MVK: variants seen among roughly 807,000 people sequenced by gnomAD.
MVK encodes the protein LH receptor mRNA-binding protein.
A neutral mutation model predicts 43.2 loss-of-function variants in MVK; 34 were observed. That is an observed-to-expected ratio of 0.79 (90% confidence interval 0.60 to 1.05). The LOEUF (loss-of-function observed/expected upper bound fraction) is 1.05, where lower values mean the gene tolerates loss of function less well. MVK is among the 50% of genes least tolerant of loss of function. The pLI, the probability that MVK is intolerant of heterozygous loss-of-function variation, is 0.00. For missense variants in MVK, 395 were observed against 504.0 expected (o/e 0.78, Z 2.07); for synonymous variants, 190 against 219.8 (o/e 0.86, Z 1.20).
chr12:109,573,461 C>T (rs1243516923), upstream of MVK: 2 of 1,606,442 alleles, frequency 1.2e-6, no homozygotes, highest in South Asian at 1.1e-5. Flanking sequence ...AAGACGGCTC[C>T]CCAGGCCGCA....
chr12:109,582,997 C>T (rs1306987980), intron 5 of MVK, among the ~76,000 whole-genome samples: 1 of 152,190 alleles, frequency 6.6e-6, no homozygotes, highest in Non-Finnish European at 1.5e-5. Flanking sequence ...CCATCGTACT[C>T]TTACAGAAAC....
Position 109,576,158 on chromosome 12 carries a change from A to T in MVK, c.226+13A>T, listed in dbSNP as rs769539742. The T allele has an allele frequency of 6.2e-7, 1 of 1,614,064 alleles. No individual in the cohort carries two copies. Among genetic ancestry groups the T allele is most frequent in the South Asian group, 1.1e-5 (1 of 91,074 alleles). On this transcript the variant is annotated intron_variant, in intron 3 of 10. Transcript: ENST00000228510. The stretch of plus-strand genomic sequence containing the variant: ...ACAAGCTTTCTGGGTGAGTGCAAGG[A>T]GGAGAAACCAGGTGTGCTAAGAGCC...
intron 5 of MVK, 77 bp from the exon 6 acceptor site, chr12:109,585,945 C>T: frequency 8.2e-7 from 1 of 1,215,714 alleles, no homozygotes; most frequent in Non-Finnish European, 1.2e-6. Context: ...CCTTGGCCTG[C>T]CCAGCACAGC....
rs538650553 is a variant in MVK at position 109,576,509 on chromosome 12, CAG to C, written c.226+369_226+370del. ...AGTTCTCCTGGGAGAGACCTAGGGC[CAG>C]AGAGTAGACAAAGTGACACATGTTT... On this transcript the variant is annotated intron_variant, in intron 3 of 10. Transcript: ENST00000228510. Among the ~76,000 whole-genome samples the C allele has an allele frequency of 3.9e-3, 589 of 151,670 alleles. 6 individuals are homozygous for C. The highest frequency in any genetic ancestry group is 0.013 in the African/African-American group (546 of 41,322).
rs1226113451 is a variant in MVK, at chr12:109,596,672, G to A, written c.*95G>A. 1.3e-5 allele frequency: 20 copies of A among 1,518,264 alleles called. No homozygotes were observed. In the Admixed American group the frequency reaches 2.2e-4, roughly 17 times the overall value. 94.0% of individuals were successfully genotyped at this position (1,518,264 alleles called of 1,614,324 possible). On this transcript the variant is annotated 3_prime_UTR_variant, in exon 11 of 11. Transcript: ENST00000228510. Reference sequence around the variant, plus strand: ...CTCTGTGCTGGCCAGCGAGCGCCCAGCTCCTGACACTGCTGGAGAGGCCCC... The same window carrying A: ...CTCTGTGCTGGCCAGCGAGCGCCCAACTCCTGACACTGCTGGAGAGGCCCC...
chr12:109,592,789 A>T (rs1885740356), intron 9 of MVK, among the ~76,000 whole-genome samples: 1 of 152,196 alleles, frequency 6.6e-6, no homozygotes, highest in African/African-American at 2.4e-5. Context: ...ACTATGTGCC[A>T]GGGCAGCGCC....
At chr12:109,592,484 G>A (rs1465854233) in intron 9 of MVK, among the ~76,000 whole-genome samples, 1 of 152,286 alleles carries the variant, frequency 6.6e-6, no homozygotes, top group Non-Finnish European at 1.5e-5. Context: ...CCCGCGCCCC[G>A]CACTCTGTAG....
At chr12:109,586,849 G>A (rs1277828547) in intron 7 of MVK, 50 bp downstream of exon 7, 15 of 1,607,086 alleles carry the variant, frequency 9.3e-6, no homozygotes, top group Non-Finnish European at 1.2e-5. Context: ...ATTGATGTGT[G>A]CAGGGGGCAG....
chr12:109,596,320 A>AGCCAGGAAGGCAC, intron 10 of MVK, 106 bp from the exon 11 acceptor site: 1 of 1,504,654 alleles, frequency 6.6e-7, no homozygotes, highest in Non-Finnish European at 9.0e-7. Flanking sequence ...GGTGGGTCAC[A>AGCCAGGAAGGCAC]GCCAGGAAGG....
In MVK at chr12:109,596,630, T is replaced by TA; in HGVS notation, c.*53_*54insA. ...CCAGATGCCCCTTTCTGGATTATTC[T>TA]GGGGGCTGCAGTTCGACTCTGTGCT... On this transcript the variant is annotated 3_prime_UTR_variant, in exon 11 of 11. Coordinates refer to ENST00000228510, the MANE Select transcript of MVK (RefSeq NM_000431.4). The TA allele has an allele frequency of 2.5e-6, 4 of 1,581,072 alleles. No individual in the cohort carries two copies. Among genetic ancestry groups the TA allele is most frequent in the Non-Finnish European group, 3.4e-6 (4 of 1,165,836 alleles).
chr12:109,586,895 G>GGACACC, intron 7 of MVK, 96 bp downstream of exon 7: 1 of 1,480,704 alleles, frequency 6.8e-7, no homozygotes, highest in Non-Finnish European at 9.3e-7. Flanking sequence ...TAGGAGGCAG[G>GGACACC]TGTCCCTGGC....
At chr12:109,580,290 A>T (rs544570228) in intron 4 of MVK, among the ~76,000 whole-genome samples, 26 of 152,216 alleles carry the variant, frequency 1.7e-4, no homozygotes, top group Admixed American at 5.9e-4. Context: ...TTTTGTAGAG[A>T]TGGAGTCTCA....
chr12:109,586,683 A>C, intron 6 of MVK, 71 bp from the exon 7 acceptor site: 1 of 1,570,656 alleles, frequency 6.4e-7, no homozygotes, highest in Non-Finnish European at 8.8e-7. Flanking sequence ...CCCAAAGTTC[A>C]ACCTCTCTCC....
chr12:109,577,450 G>A (rs770193783), intron 3 of MVK, among the ~76,000 whole-genome samples: 15 of 152,152 alleles, frequency 9.9e-5, no homozygotes, highest in Admixed American at 3.3e-4. Context: ...CCCATATGCC[G>A]TATGGGGATG....
chr12:109,597,579 G>C lies in MVK; in HGVS notation c.*1002G>C, dbSNP rs1593033926. ...GAACCTGCCATCGCTCCTGGGGCGC[G>C]CCTTCCTTTCTGAAATGAACTGGCT... On this transcript the variant is annotated 3_prime_UTR_variant, in exon 11 of 11. Coordinates refer to ENST00000228510, the MANE Select transcript of MVK (RefSeq NM_000431.4). 1 of 152,356 alleles carries C rather than the reference G, an allele frequency of 6.6e-6. No individual in the cohort carries two copies. Among genetic ancestry groups the C allele is most frequent in the Non-Finnish European group, 1.5e-5 (1 of 68,054 alleles). 9.4% of individuals were successfully genotyped at this position (152,356 alleles called of 1,614,324 possible). A position where few individuals can be genotyped will look rare whatever the true frequency, so the allele number is the denominator to read the frequency against.
rs1885874557 is a variant in MVK at position 109,595,351 on chromosome 12, G to A, written c.1039+170G>A. Among the ~76,000 whole-genome samples, 3 of 152,182 alleles carry A rather than the reference G, an allele frequency of 2.0e-5. No homozygotes were observed. The highest frequency in any genetic ancestry group is 7.2e-5 in the African/African-American group (3 of 41,436). On this transcript the variant is annotated intron_variant, in intron 10 of 10. Transcript: ENST00000228510. The surrounding 1 kb of genome is among the most constrained non-coding windows in gnomAD (Gnocchi z 5.9). ...CTTTGCTTCCTCATTGGTAAAATAA[G>A]GATGAGAGTATCTAGCTTGCAAGAT...
In MVK at chr12:109,573,837, G is replaced by A. The variant is rs1048657332; in HGVS notation, c.-51G>A. 1 of 224,216 alleles carries A rather than the reference G, an allele frequency of 4.5e-6. No homozygotes were observed. 13.9% of individuals were successfully genotyped at this position (224,216 alleles called of 1,614,324 possible). On this transcript the variant is annotated 5_prime_UTR_variant, in exon 1 of 11. Transcript: ENST00000228510. ...TGGGGAGCTGCTCCGGCTTCGGCGC[G>A]GAGGGGCGGCGGCCGGGGAGGCGGC... is the stretch of plus-strand genomic sequence containing the variant.
intron 1 of MVK, among the ~76,000 whole-genome samples, chr12:109,574,392 G>A (rs1884827829): frequency 6.6e-6 from 1 of 152,210 alleles, no homozygotes; most frequent in Non-Finnish European, 1.5e-5. Context: ...AGTAGTAGTT[G>A]TAAAAGCTGA....
At chr12:109,593,650 GCA>G (rs1885782685) in intron 9 of MVK, among the ~76,000 whole-genome samples, 3 of 151,318 alleles carry the variant, frequency 2.0e-5, no homozygotes, top group Non-Finnish European at 4.4e-5. Context: ...AATACTAACA[GCA>G]CATATCTCGT....
Sources: gnomAD v4.1 joint callset for allele counts (sites outside exome capture counted in the v4.1 genomes callset) on GRCh38, gnomAD v4.1.1 for gene constraint, Gnocchi (gnomAD v3.1) non-coding constraint, MANE v1.5 for transcripts, NCBI Gene and HGNC (gene_info 2026-07-23, HGNC 2026-07-21) for gene names.